The following SULT4A1 variants were observed in gnomAD, a reference collection of about 807,000 sequenced individuals.
SULT4A1 encodes sulfotransferase family 4A member 1, also known as sulfotransferase 4A1.
A neutral mutation model predicts 35.2 loss-of-function variants in SULT4A1; 11 were observed. The ratio of observed to expected loss-of-function variants is 0.31; its 90% CI spans 0.20 to 0.52. The LOEUF (loss-of-function observed/expected upper bound fraction) is 0.52, where lower values mean the gene tolerates loss of function less well. Ranked by LOEUF, SULT4A1 falls within the 20% of genes least tolerant of loss-of-function variation. SULT4A1 has a pLI of 0.97. For missense variants in SULT4A1, 271 were observed against 383.7 expected, an observed-to-expected ratio of 0.71 and a Z score of 2.45; for synonymous variants, 152 against 151.8, an observed-to-expected ratio of 1.00 and a Z score of -0.01.
intron 6 of SULT4A1, chr22:43,827,686 T>C: frequency 1.5e-6 from 2 of 1,352,542 alleles, no homozygotes; most frequent in Non-Finnish European, 2.0e-6. Flanking sequence ...AAAACCAAGG[T>C]AAACCATGAT....
Position 43,845,326 on chromosome 22 carries a change from C to T in SULT4A1, c.170-3394G>A, listed in dbSNP as rs187010165. ...TGCCCACCAACTCCAGTACCTCACC[C>T]GCTGCCCAGCGCCTCAGTGGGACCC... is the stretch of plus-strand genomic sequence containing the variant. On this transcript the variant is annotated intron_variant, in intron 1 of 6. Transcript: ENST00000330884. Among the ~76,000 whole-genome samples, 25 of 152,288 alleles carry T rather than the reference C, an allele frequency of 1.6e-4. No homozygotes were observed. In the East Asian group the frequency reaches 1.9e-3, roughly 12 times the overall value.
At chr22:43,862,081 T>C (rs1603410814) in intron 1 of SULT4A1, 133 bp downstream of exon 1, 2 of 221,240 alleles carry the variant, frequency 9.0e-6, no homozygotes, top group East Asian at 2.5e-4. Context: ...GGGAGAGCGG[T>C]GGGCACGGCA....
chr22:43,831,668 G>A (rs2063326908), intron 5 of SULT4A1, among the ~76,000 whole-genome samples: 1 of 152,270 alleles, frequency 6.6e-6, no homozygotes, highest in Non-Finnish European at 1.5e-5. Context: ...AGGTGGAGGA[G>A]CCTCGCCATC....
intron 1 of SULT4A1, among the ~76,000 whole-genome samples, chr22:43,852,030 T>C (rs1381850592): frequency 6.6e-6 from 1 of 152,162 alleles, no homozygotes; most frequent in African/African-American, 2.4e-5. Context: ...TATCCCTTTA[T>C]TGTCACTTTA....
At chr22:43,856,387 T>C (rs777682533) in intron 1 of SULT4A1, among the ~76,000 whole-genome samples, 89 of 152,148 alleles carry the variant, frequency 5.8e-4, no homozygotes, top group African/African-American at 2.0e-3. Context: ...AGAAGGGACA[T>C]GAAACTCCTG....
At chr22:43,833,885 C>T (rs955177101) in intron 4 of SULT4A1, 151 bp from the exon 5 acceptor site, 6 of 674,222 alleles carry the variant, frequency 8.9e-6, no homozygotes, top group African/African-American at 7.2e-5. Flanking sequence ...CAAAGGCCCC[C>T]GAGGCACTCA....
chr22:43,838,597 T>TG (rs2063396470), intron 4 of SULT4A1, among the ~76,000 whole-genome samples: 1 of 152,252 alleles, frequency 6.6e-6, no homozygotes, highest in Non-Finnish European at 1.5e-5. Context: ...ATGTTTTAAC[T>TG]GGGGAACTTC....
Position 43,841,888 on chromosome 22 carries a change from C to A in SULT4A1, c.214G>T (p.Ala72Ser). ...QEVVYLVSQG[A>S]DPDEIGLMNI... Reference sequence around the variant, plus strand: ...ATCAAGCCGATCTCATCGGGGTCAGCGCCCTGGCTCACCAAGTAGACCACC... The same window carrying A: ...ATCAAGCCGATCTCATCGGGGTCAGAGCCCTGGCTCACCAAGTAGACCACC... Residue 72 changes from alanine to serine, a missense_variant, in exon 2 of 7, where the codon GCT (alanine) becomes TCT (serine). Ala to Ser is a moderately conservative substitution (Grantham distance 99, BLOSUM62 1). Coordinates refer to ENST00000330884, the MANE Select transcript of SULT4A1 (RefSeq NM_014351.4). 1 of 1,613,908 alleles carries A rather than the reference C, an allele frequency of 6.2e-7. No homozygotes were observed. The highest frequency in any genetic ancestry group is 8.5e-7 in the Non-Finnish European group (1 of 1,179,864).
intron 5 of SULT4A1, among the ~76,000 whole-genome samples, chr22:43,830,095 G>A (rs377300832): frequency 6.6e-6 from 1 of 152,234 alleles, no homozygotes; most frequent in African/African-American, 2.4e-5. Context: ...TTGCAGGTCT[G>A]ATTCTGGCCT....
At chr22:43,846,851 T>C (rs982337079) in intron 1 of SULT4A1, among the ~76,000 whole-genome samples, 2 of 152,206 alleles carry the variant, frequency 1.3e-5, no homozygotes, top group Admixed American at 6.5e-5. Flanking sequence ...GTCCCTGAAA[T>C]GGGCCTCTCC....
intron 1 of SULT4A1, among the ~76,000 whole-genome samples, chr22:43,850,176 G>A (rs113650045): frequency 4.6e-5 from 7 of 152,244 alleles, no homozygotes; most frequent in African/African-American, 1.2e-4. Flanking sequence ...CCCACTCCCC[G>A]GAAGGAGACC....
At chr22:43,857,418 G>C (rs562220406) in intron 1 of SULT4A1, among the ~76,000 whole-genome samples, 1 of 141,444 alleles carries the variant, frequency 7.1e-6, no homozygotes, top group Admixed American at 7.0e-5. Context: ...GAAGAAAACA[G>C]AAAACAGAAT....
At chr22:43,841,394 T>C (rs771206917) in intron 2 of SULT4A1, among the ~76,000 whole-genome samples, 2 of 152,084 alleles carry the variant, frequency 1.3e-5, no homozygotes, top group Non-Finnish European at 2.9e-5. Flanking sequence ...CCTGTGGGTG[T>C]GTCTGAGGGG....
At chr22:43,843,140 C>G (rs1032229544) in intron 1 of SULT4A1, among the ~76,000 whole-genome samples, 9 of 152,240 alleles carry the variant, frequency 5.9e-5, no homozygotes, top group Non-Finnish European at 1.3e-4. Flanking sequence ...CTGGGCTGGG[C>G]ACAGTTACTC....
rs367741446 is a variant in SULT4A1, at chr22:43,839,939, G to GCTTA, written c.381+2_381+5dup. On this transcript the variant is annotated splice_donor_region_variant and intron_variant, in intron 3 of 6. Coordinates refer to ENST00000330884, the MANE Select transcript of SULT4A1 (RefSeq NM_014351.4). ...ATCTCGGGAGGCAGAGGAGGTGCCA[G>GCTTA]CTTACCTTGGAGTCTCCATTGTGGA... is the stretch of plus-strand genomic sequence containing the variant. 1 of 1,603,948 alleles carries GCTTA rather than the reference G, an allele frequency of 6.2e-7. No individual in the cohort carries two copies. The highest frequency in any genetic ancestry group is 1.3e-5 in the African/African-American group (1 of 74,896).
In SULT4A1 at chr22:43,833,724, G is replaced by A; in HGVS notation, c.519C>T (p.Gly173=). 2 of 1,571,778 alleles carry A rather than the reference G, an allele frequency of 1.3e-6. No individual in the cohort carries two copies. The highest frequency in any genetic ancestry group is 1.2e-5 in the South Asian group (1 of 85,800). The change falls in exon 5 of 7, where the codon GGC becomes GGT. Residue 173 remains glycine (G), a synonymous_variant. Transcript: ENST00000330884. ...RRFMNDKLGY[G]SWFEHVQEFW... ...ACTCCTGCACGTGCTCAAACCAGGA[G>A]CCGTAGCCCACTGCGGAGACAGGGG...
chr22:43,859,133 C>T (rs9626038), intron 1 of SULT4A1, among the ~76,000 whole-genome samples: 169 of 152,340 alleles, frequency 1.1e-3, no homozygotes, highest in Non-Finnish European at 2.1e-3. Context: ...CAGTGACATA[C>T]ACACCAAGAA....
At chr22:43,844,538 C>T (rs1337468876) in intron 1 of SULT4A1, among the ~76,000 whole-genome samples, 1 of 152,220 alleles carries the variant, frequency 6.6e-6, no homozygotes, top group Non-Finnish European at 1.5e-5. Flanking sequence ...GTCCGACGGC[C>T]TCCAGCCCAA....
At chr22:43,862,192 G>A (rs1234219958) in intron 1 of SULT4A1, 22 bp downstream of exon 1, 2 of 1,491,540 alleles carry the variant, frequency 1.3e-6, no homozygotes, top group Admixed American at 4.3e-5. Context: ...GGCGTGGCGG[G>A]CGCGGTCGGC....
Sources: gnomAD v4.1 joint callset for allele counts (sites outside exome capture counted in the v4.1 genomes callset) on GRCh38, gnomAD v4.1.1 for gene constraint, MANE v1.5 for transcripts, NCBI Gene and HGNC (gene_info 2026-07-23, HGNC 2026-07-21) for gene names.